The following MRAS variants were observed in gnomAD, a reference collection of about 807,000 sequenced individuals.
The protein encoded by MRAS is muscle RAS oncogene homolog.
In MRAS, 4 loss-of-function variants were observed where a neutral mutation model predicts 20.9. The ratio of observed to expected loss-of-function variants is 0.19; its 90% confidence interval spans 0.09 to 0.44. The LOEUF (loss-of-function observed/expected upper bound fraction) is 0.44. MRAS is among the 20% of genes least tolerant of loss of function. The pLI is 0.99. For synonymous variants in MRAS, 98 were observed against 102.9 expected, an observed-to-expected ratio of 0.95 and a Z score of 0.29; for missense variants, 154 against 277.5, an observed-to-expected ratio of 0.56 and a Z score of 3.16.
intron 1 of MRAS, among the ~76,000 whole-genome samples, chr3:138,366,139 G>C (rs922069747): frequency 2.0e-5 from 3 of 152,216 alleles, no homozygotes; most frequent in Non-Finnish European, 2.9e-5. Flanking sequence ...ACAGCTTGCA[G>C]GTCAGCGCTC....
Position 138,396,345 on chromosome 3 carries a change from G to A in MRAS, c.194-979G>A, listed in dbSNP as rs145577167. 2.3e-3 allele frequency among the ~76,000 whole-genome samples: 343 copies of A among 152,316 alleles called. 4 individuals are homozygous for A. The highest frequency in any genetic ancestry group is 7.7e-3 in the African/African-American group (322 of 41,574). Reference sequence around the variant, plus strand: ...ACCCAGGCATGAGAAGCCAGACTCCGCCCAGTGGGCTGGCTCCAAAATCTG... The same window carrying A: ...ACCCAGGCATGAGAAGCCAGACTCCACCCAGTGGGCTGGCTCCAAAATCTG... On this transcript the variant is annotated intron_variant, in intron 2 of 5. Transcript: ENST00000423968.
intron 4 of MRAS, among the ~76,000 whole-genome samples, chr3:138,399,611 T>G (rs2055317153): frequency 6.6e-6 from 1 of 152,246 alleles, no homozygotes; most frequent in South Asian, 2.1e-4. Context: ...TCCAGCATAT[T>G]ATAATGAAAG....
chr3:138,392,433 A>T (rs1430152315), intron 2 of MRAS, among the ~76,000 whole-genome samples: 1 of 152,226 alleles, frequency 6.6e-6, no homozygotes, highest in South Asian at 2.1e-4. Flanking sequence ...TTTGTTCTAT[A>T]TTTAAGAGAG....
intron 1 of MRAS, chr3:138,349,589 A>C (rs1238001594): frequency 6.6e-6 from 1 of 152,608 alleles, no homozygotes; most frequent in African/African-American, 2.4e-5. Context: ...AGAGTCCATC[A>C]AGGCCACTGG....
Position 138,397,495 on chromosome 3 carries a change from G to A in MRAS, c.347+18G>A, listed in dbSNP as rs375506118. ...AAAGACAGGTGAGCATCAAAGACAG[G>A]TGAGAGTACCGGGAAGAGGCCTGCG... is the stretch of plus-strand genomic sequence containing the variant. On this transcript the variant is annotated intron_variant, in intron 3 of 5. Transcript: ENST00000423968. 3.3e-5 allele frequency: 54 copies of A among 1,613,712 alleles called. No homozygotes were observed. Among genetic ancestry groups the A allele is most frequent in the South Asian group, 1.8e-4 (16 of 91,060 alleles).
chr3:138,352,893 A>G (rs909762790), intron 1 of MRAS, among the ~76,000 whole-genome samples: 1 of 152,012 alleles, frequency 6.6e-6, no homozygotes, highest in Non-Finnish European at 1.5e-5. Flanking sequence ...TGCATCTGTG[A>G]CTTCTCTGCC....
chr3:138,370,670 T>G (rs368020986), intron 1 of MRAS, among the ~76,000 whole-genome samples: 1 of 152,156 alleles, frequency 6.6e-6, no homozygotes, highest in Non-Finnish European at 1.5e-5. Context: ...AAATCCCCAC[T>G]CGAATGAGAG....
At chr3:138,373,422 A>G (rs1027851234) in intron 2 of MRAS, among the ~76,000 whole-genome samples, 1 of 152,204 alleles carries the variant, frequency 6.6e-6, no homozygotes, top group African/African-American at 2.4e-5. Flanking sequence ...GTTGTTTCTT[A>G]ATGAGCATAG....
chr3:138,379,426 A>G (rs1484256833), intron 2 of MRAS, among the ~76,000 whole-genome samples: 1 of 132,788 alleles, frequency 7.5e-6, no homozygotes, highest in East Asian at 2.3e-4. Context: ...GTTCAGTGGC[A>G]CGATCACTGC....
intron 5 of MRAS, among the ~76,000 whole-genome samples, chr3:138,401,470 C>A (rs1213560245): frequency 6.6e-6 from 1 of 152,202 alleles, no homozygotes; most frequent in East Asian, 1.9e-4. Context: ...TTTTTGCTGG[C>A]AGTTTTGCAC....
At chr3:138,349,453 G>A (rs1452673748) in intron 1 of MRAS, 1 of 152,466 alleles carries the variant, frequency 6.6e-6, no homozygotes, top group African/African-American at 2.4e-5. Context: ...TGGGAGGTGA[G>A]AGAAGGCCGC....
At chr3:138,352,013 G>A (rs1219543465) in intron 1 of MRAS, among the ~76,000 whole-genome samples, 2 of 152,208 alleles carry the variant, frequency 1.3e-5, no homozygotes, top group Admixed American at 1.3e-4. Flanking sequence ...AAGTCAGCAT[G>A]CCATTCCAGT....
At chr3:138,398,715 C>T (rs2055293980) in intron 4 of MRAS, 147 bp downstream of exon 4, 1 of 684,928 alleles carries the variant, frequency 1.5e-6, no homozygotes, top group Admixed American at 2.7e-5. Context: ...TGAAATCCTG[C>T]AATTCCAGGA....
rs546025677 is a variant in MRAS, at chr3:138,385,743, GA to G, written c.194-11580del. Among the ~76,000 whole-genome samples, 200 of 152,262 alleles carry G rather than the reference GA, an allele frequency of 1.3e-3. 4 individuals are homozygous for G. The South Asian group carries it at 0.038, about 29-fold the overall frequency. On this transcript the variant is annotated intron_variant, in intron 2 of 5. Coordinates refer to ENST00000423968, the MANE Select transcript of MRAS (RefSeq NM_001085049.3). ...GTTGCCAGGCTGGTCTCGAACTCCTGACCTCAGGTAATCCACCTGCCTTGGC... is the reference window on the plus strand; with the variant it reads ...GTTGCCAGGCTGGTCTCGAACTCCTGCCTCAGGTAATCCACCTGCCTTGGC...
chr3:138,378,951 A>T (rs961740265), intron 2 of MRAS, among the ~76,000 whole-genome samples: 2 of 152,106 alleles, frequency 1.3e-5, no homozygotes, highest in Non-Finnish European at 2.9e-5. Flanking sequence ...ATATTCATAC[A>T]TATTTTGAGG....
rs865857519 is a variant in MRAS at position 138,363,821 on chromosome 3, C to G, written c.-18-9045C>G. Among the ~76,000 whole-genome samples, 17 of 73,104 alleles carry G rather than the reference C, an allele frequency of 2.3e-4. 1 individual carries two copies. In the South Asian group the frequency reaches 2.9e-3, roughly 13 times the overall value. 48.0% of individuals were successfully genotyped at this position (73,104 alleles called of 152,430 possible). A position where few individuals can be genotyped will look rare whatever the true frequency, so the allele number is the denominator to read the frequency against. On this transcript the variant is annotated intron_variant, in intron 1 of 5. Coordinates refer to ENST00000423968, the MANE Select transcript of MRAS (RefSeq NM_001085049.3). The stretch of plus-strand genomic sequence containing the variant: ...TCATGTGACCTGTTAGAGGATTTAC[C>G]CCCCCCCCCCCCCAAACCACAGGGT...
At chr3:138,394,786 C>T (rs1160119881) in intron 2 of MRAS, among the ~76,000 whole-genome samples, 3 of 152,198 alleles carry the variant, frequency 2.0e-5, no homozygotes, top group Admixed American at 2.0e-4. Flanking sequence ...GCCTCTTTTT[C>T]TCACCTCTCT....
chr3:138,377,164 TA>T (rs1277892490), intron 2 of MRAS, among the ~76,000 whole-genome samples: 5 of 152,232 alleles, frequency 3.3e-5, no homozygotes, highest in Non-Finnish European at 7.3e-5. Context: ...TCCATGGCAT[TA>T]CTTTAGAAGA....
chr3:138,384,636 A>C (rs1028874509), intron 2 of MRAS, among the ~76,000 whole-genome samples: 1 of 152,174 alleles, frequency 6.6e-6, no homozygotes, highest in African/African-American at 2.4e-5. Context: ...TGGCAGCTGG[A>C]TATCTAAGCC....
Sources: allele counts gnomAD v4.1 joint callset (sites outside exome capture counted in the v4.1 genomes callset), GRCh38; gene constraint gnomAD v4.1.1; transcripts MANE v1.5; gene names NCBI Gene and HGNC (gene_info 2026-07-23, HGNC 2026-07-21).